NFATC3: variants seen among roughly 807,000 people sequenced by gnomAD.
NFATC3 encodes the protein nuclear factor of activated T cells 3.
Under a neutral mutation model 98.6 loss-of-function variants are expected in NFATC3, and 46 were observed. That is an observed-to-expected ratio of 0.47 (90% CI 0.37 to 0.60). The LOEUF is 0.60. NFATC3 is among the 20% of genes least tolerant of loss of function. NFATC3 has a pLI of 0.00. For missense variants in NFATC3, 1,256 were observed against 1,295.5 expected (o/e 0.97, Z 0.47); for synonymous variants, 512 against 472.2 (o/e 1.08, Z -1.09).
intron 2 of NFATC3, among the ~76,000 whole-genome samples, chr16:68,124,191 T>C (rs975941933): frequency 2.0e-5 from 3 of 152,056 alleles, no homozygotes; most frequent in African/African-American, 7.2e-5. Context: ...AGGTTCGACC[T>C]CCCAAGCTCA....
At chr16:68,192,228 A>ATATATATATATATATATAT (rs1380467877) in intron 9 of NFATC3, 1 of 72,524 alleles carries the variant, frequency 1.4e-5, no homozygotes, top group South Asian at 4.1e-4. Context: ...AAAAAAAAAA[A>ATATATATATATATATATAT]AAATATATAT....
intron 5 of NFATC3, among the ~76,000 whole-genome samples, chr16:68,170,042 T>A (rs2151603109): frequency 6.6e-6 from 1 of 151,806 alleles, no homozygotes; most frequent in East Asian, 1.9e-4. Context: ...TGAGACTCCA[T>A]CTCAAAAATA....
intron 3 of NFATC3, chr16:68,138,873 C>T (rs2037595230): frequency 3.0e-6 from 3 of 1,003,628 alleles, no homozygotes; most frequent in South Asian, 1.8e-5. Flanking sequence ...TAGAGCCAGA[C>T]TGTTTTGGTT....
At position 68,085,674 on chromosome 16, in the gene NFATC3, C is replaced by T; in HGVS notation, c.-8C>T. The T allele has an allele frequency of 6.6e-7, 1 of 1,511,632 alleles. No individual in the cohort carries two copies. Among genetic ancestry groups the T allele is most frequent in the South Asian group, 1.2e-5 (1 of 81,164 alleles). The allele number at this position is 1,511,632 out of a possible 1,614,324, so 93.6% of individuals were successfully genotyped here. On this transcript the variant is annotated 5_prime_UTR_variant, in exon 1 of 10. Transcript: ENST00000346183. ...TGAGGAGGAGCTGCAGCACCCTGGG[C>T]CACGCCGATGACTACTGCAAACTGT...
At chr16:68,138,717 C>G in intron 3 of NFATC3, 3 of 1,288,862 alleles carry the variant, frequency 2.3e-6, no homozygotes, top group Non-Finnish European at 3.0e-6. Flanking sequence ...AAAGTAGTCC[C>G]TGGCTGGGCA....
intron 4 of NFATC3, among the ~76,000 whole-genome samples, chr16:68,163,657 C>T (rs1402669252): frequency 1.0e-4 from 15 of 149,878 alleles, no homozygotes; most frequent in Admixed American, 2.0e-4. Flanking sequence ...GGGCAGCTGC[C>T]GGGCGGAGGG....
intron 6 of NFATC3, among the ~76,000 whole-genome samples, chr16:68,175,189 A>T (rs2039634588): frequency 6.6e-6 from 1 of 152,226 alleles, no homozygotes; most frequent in Admixed American, 6.5e-5. Flanking sequence ...ATAGTATATG[A>T]CTCCATTTGT....
chr16:68,191,598 C>T lies in NFATC3; in HGVS notation c.2929C>T (p.Gln977Ter). Residue 977 changes from glutamine (Q) to a stop codon, truncating the protein, a stop_gained, in exon 9 of 10, where the codon CAA becomes TAA. Coordinates refer to ENST00000346183, the MANE Select transcript of NFATC3 (RefSeq NM_173165.3). LOFTEE classifies it high-confidence loss of function. ...AATGCATTCTGGACAGCACTCAACTCAAGCACAAAGTACGGGCCAGGGGGG... is the reference window on the plus strand; with the variant it reads ...AATGCATTCTGGACAGCACTCAACTTAAGCACAAAGTACGGGCCAGGGGGG... ...TRMHSGQHST[Q>*]AQSTGQGGLS... is the part of the protein sequence containing the mutation. 1 of 1,614,132 alleles carries T rather than the reference C, an allele frequency of 6.2e-7. No individual in the cohort carries two copies. Among genetic ancestry groups the T allele is most frequent in the Non-Finnish European group, 8.5e-7 (1 of 1,180,022 alleles).
intron 9 of NFATC3, among the ~76,000 whole-genome samples, chr16:68,223,161 A>T (rs2041927954): frequency 2.6e-5 from 4 of 152,252 alleles, no homozygotes; most frequent in Admixed American, 2.6e-4. Context: ...AGTCAGGAGT[A>T]AGTTTAGTTT....
At chr16:68,123,995 C>CA (rs933152204) in intron 2 of NFATC3, among the ~76,000 whole-genome samples, 33 of 134,558 alleles carry the variant, frequency 2.5e-4, no homozygotes, top group East Asian at 4.2e-4. Flanking sequence ...CACCCCCCTA[C>CA]AAAAAAAAAA....
chr16:68,096,323 C>T (rs1265110058), intron 1 of NFATC3, among the ~76,000 whole-genome samples: 1 of 152,074 alleles, frequency 6.6e-6, no homozygotes, highest in African/African-American at 2.4e-5. Context: ...CTGAAAGAAA[C>T]TAGCTGTTGT....
intron 9 of NFATC3, among the ~76,000 whole-genome samples, chr16:68,210,566 A>G (rs1200957420): frequency 6.6e-6 from 1 of 152,056 alleles, no homozygotes; most frequent in East Asian, 1.9e-4. Context: ...GGGTCTTGCC[A>G]TGTTGCCCAT....
chr16:68,096,014 G>A (rs959274400), intron 1 of NFATC3, among the ~76,000 whole-genome samples: 2 of 152,084 alleles, frequency 1.3e-5, no homozygotes, highest in South Asian at 2.1e-4. Context: ...TTGAGACAGG[G>A]TCTCACTTTG....
chr16:68,221,070 G>A lies in NFATC3; in HGVS notation c.3107-5280G>A, dbSNP rs117297473. On this transcript the variant is annotated intron_variant, in intron 9 of 9. Coordinates refer to ENST00000346183, the MANE Select transcript of NFATC3 (RefSeq NM_173165.3). ...CCTGGATTACAGTTTAAATAAATTA[G>A]CAAATTCATGCATATATCCATTCAA... is the stretch of plus-strand genomic sequence containing the variant. 9.3e-4 allele frequency: 954 copies of A among 1,023,732 alleles called. 18 individuals carry two copies. The East Asian group carries it at 0.025, about 27-fold the overall frequency. The allele number at this position is 1,023,732 out of a possible 1,614,324, so 63.4% of individuals were successfully genotyped here.
chr16:68,191,104 A>T lies in NFATC3; in HGVS notation c.2435A>T (p.Asn812Ile). The change falls in exon 9 of 10, where the codon AAT (asparagine) becomes ATT (isoleucine). Residue 812 changes from asparagine (N) to isoleucine (I), a missense_variant. By Grantham distance (149) the Asn-to-Ile change is moderately radical. Coordinates refer to ENST00000346183, the MANE Select transcript of NFATC3 (RefSeq NM_173165.3). ...CCTATGCAAACTAATGTTGTGTACA[A>T]TGGACCAACTTGTCTTCCTATTAAT... Reference protein sequence around the residue: ...YQPMQTNVVYNGPTCLPINAA... With the variant: ...YQPMQTNVVYIGPTCLPINAA... The T allele has an allele frequency of 6.2e-7, 1 of 1,614,214 alleles. No individual in the cohort carries two copies.
At chr16:68,163,958 T>C (rs983973400) in intron 4 of NFATC3, among the ~76,000 whole-genome samples, 2 of 124,964 alleles carry the variant, frequency 1.6e-5, no homozygotes, top group South Asian at 2.6e-4. Context: ...TCCCAGACGA[T>C]GGGCGGCCAG....
chr16:68,145,137 T>C (rs1198702172), intron 3 of NFATC3, among the ~76,000 whole-genome samples: 1 of 150,370 alleles, frequency 6.7e-6, no homozygotes, highest in African/African-American at 2.4e-5. Flanking sequence ...CTCTCTCTTT[T>C]TTTTTTTTTT....
chr16:68,186,837 A>G (rs1021046790), intron 8 of NFATC3, among the ~76,000 whole-genome samples: 4 of 152,096 alleles, frequency 2.6e-5, no homozygotes, highest in Admixed American at 2.6e-4. Context: ...TTATTTAGAG[A>G]TTTTATTTTG....
intron 1 of NFATC3, chr16:68,089,646 T>C (rs1454130571): frequency 6.6e-6 from 1 of 152,220 alleles, no homozygotes; most frequent in Non-Finnish European, 1.5e-5. Context: ...TAGCTCTAAA[T>C]AGATGATATA....
Sources: allele counts gnomAD v4.1 joint callset (sites outside exome capture counted in the v4.1 genomes callset), GRCh38; gene constraint gnomAD v4.1.1; transcripts MANE v1.5; gene names NCBI Gene and HGNC (gene_info 2026-07-23, HGNC 2026-07-21).